NECTIN2: variants seen among roughly 807,000 people sequenced by gnomAD.
The protein encoded by NECTIN2 is nectin cell adhesion molecule 2.
In NECTIN2, 23 loss-of-function variants were observed where a neutral mutation model predicts 56.9. The observed-to-expected ratio is 0.40, with a 90% confidence interval of 0.29 to 0.57. NECTIN2 has a LOEUF of 0.57. Among genes scored for constraint, NECTIN2 ranks in the 20% least tolerant of loss-of-function variants. The probability of loss-of-function intolerance (pLI) is 0.38; values close to 1 mark genes in which losing one functional copy is unlikely to be tolerated. For missense variants in NECTIN2, 587 were observed against 718.3 expected, an observed-to-expected ratio of 0.82 and a Z score of 2.09; for synonymous variants, 302 against 313.8, an observed-to-expected ratio of 0.96 and a Z score of 0.40.
chr19:44,870,558 A>T (rs915902708), intron 2 of NECTIN2, among the ~76,000 whole-genome samples: 3 of 150,786 alleles, frequency 2.0e-5, no homozygotes, highest in African/African-American at 7.5e-5. Context: ...AATGAGGTGG[A>T]AAGGGTATAA....
At chr19:44,868,840 A>T (rs533640312) in intron 2 of NECTIN2, among the ~76,000 whole-genome samples, 1 of 150,622 alleles carries the variant, frequency 6.6e-6, no homozygotes, top group South Asian at 2.1e-4. Flanking sequence ...TGAACCCGGG[A>T]GGCGGAGCTT....
chr19:44,879,633 G>A (rs960926910), intron 5 of NECTIN2, among the ~76,000 whole-genome samples: 20 of 152,042 alleles, frequency 1.3e-4, no homozygotes, highest in Non-Finnish European at 4.4e-5. Flanking sequence ...AAGCAAAGAC[G>A]GGGGGAGGGG....
At chr19:44,864,850 T>C (rs1219195130) in intron 1 of NECTIN2, among the ~76,000 whole-genome samples, 2 of 151,416 alleles carry the variant, frequency 1.3e-5, no homozygotes, top group African/African-American at 2.4e-5. Flanking sequence ...AAGAATGGCC[T>C]GGAGCCTCCC....
At chr19:44,868,217 G>C (rs891449646) in intron 2 of NECTIN2, among the ~76,000 whole-genome samples, 1 of 151,446 alleles carries the variant, frequency 6.6e-6, no homozygotes, top group Non-Finnish European at 1.5e-5. Flanking sequence ...AAAAAAATTA[G>C]CTGGGCATGG....
chr19:44,878,605 G>C (rs752527232), intron 5 of NECTIN2: 4 of 1,600,370 alleles, frequency 2.5e-6, no homozygotes, highest in Non-Finnish European at 3.4e-6. Flanking sequence ...TCTCACGGCG[G>C]GCAGTTTATG....
chr19:44,867,814 C>T (rs944521084), intron 2 of NECTIN2, among the ~76,000 whole-genome samples: 1 of 152,080 alleles, frequency 6.6e-6, no homozygotes, highest in African/African-American at 2.4e-5. Context: ...GGTTAAGAGC[C>T]ATGGGAGGTG....
chr19:44,846,684 C>A, intron 1 of NECTIN2, 71 bp downstream of exon 1: 1 of 1,472,732 alleles, frequency 6.8e-7, no homozygotes, highest in Non-Finnish European at 9.0e-7. Flanking sequence ...CTGGGGAAGC[C>A]GAGCACCTTC....
chr19:44,847,569 A>C (rs985115381), intron 1 of NECTIN2, among the ~76,000 whole-genome samples: 8 of 152,112 alleles, frequency 5.3e-5, no homozygotes, highest in African/African-American at 1.9e-4. Flanking sequence ...CTCTGTCTTG[A>C]GGCTGGAGTC....
At chr19:44,881,562 C>T (rs910682793) in intron 5 of NECTIN2, among the ~76,000 whole-genome samples, 2 of 151,682 alleles carry the variant, frequency 1.3e-5, no homozygotes, top group African/African-American at 4.8e-5. Flanking sequence ...CGGCACATGC[C>T]TGTAGTTCCA....
At chr19:44,860,579 G>A (rs1458247667) in intron 1 of NECTIN2, among the ~76,000 whole-genome samples, 3 of 151,816 alleles carry the variant, frequency 2.0e-5, no homozygotes, top group Non-Finnish European at 4.4e-5. Flanking sequence ...CCACTGAATT[G>A]TACTGTATTT....
chr19:44,878,107 C>T, intron 5 of NECTIN2: 1 of 597,924 alleles, frequency 1.7e-6, no homozygotes, highest in South Asian at 2.0e-5. Flanking sequence ...GTCACTCCCG[C>T]TCCCTCCATC....
Position 44,846,416 on chromosome 19 carries a change from C to T in NECTIN2, c.-110C>T. The T allele has an allele frequency of 7.6e-7, 1 of 1,313,102 alleles. No individual in the cohort carries two copies. Among genetic ancestry groups the T allele is most frequent in the Non-Finnish European group, 9.8e-7 (1 of 1,020,470 alleles). 81.3% of individuals were successfully genotyped at this position (1,313,102 alleles called of 1,614,324 possible). ...GGCTAGAGCGCAGCGGGAACCGGCC[C>T]GGAGCCGGAGCCGGAGCCCCACAGG... On this transcript the variant is annotated 5_prime_UTR_variant, in exon 1 of 9. Transcript: ENST00000252483.
chr19:44,859,706 T>C (rs984811100), intron 1 of NECTIN2, among the ~76,000 whole-genome samples: 4 of 151,696 alleles, frequency 2.6e-5, no homozygotes, highest in African/African-American at 9.7e-5. Context: ...GCACCTGTAA[T>C]CCCAGCTACT....
chr19:44,886,065 C>A, intron 7 of NECTIN2, 65 bp downstream of exon 7: 1 of 1,569,246 alleles, frequency 6.4e-7, no homozygotes, highest in African/African-American at 1.4e-5. Context: ...CTGGGAGGGG[C>A]CTGGCAGGGA....
chr19:44,865,091 T>C lies in NECTIN2; in HGVS notation c.89-180T>C, dbSNP rs1015418361. Among the ~76,000 whole-genome samples the C allele has an allele frequency of 6.6e-6, 1 of 152,182 alleles. No individual in the cohort carries two copies. Among genetic ancestry groups the C allele is most frequent in the African/African-American group, 2.4e-5 (1 of 41,454 alleles). ...TATAGTTGTATAATAGAATAGTCAT[T>C]TTAGTCTTCCCTAAAATGTCTTTTC... On this transcript the variant is annotated intron_variant, in intron 1 of 8. Coordinates refer to ENST00000252483, the MANE Select transcript of NECTIN2 (RefSeq NM_001042724.2). This position sits in a 1 kb window ranked among gnomAD's most constrained non-coding sequence, Gnocchi z 5.2.
rs563116492 is a variant in NECTIN2, at chr19:44,846,414, C to CCCGGAG, written c.-97_-92dup. ...GAGGCTAGAGCGCAGCGGGAACCGG[C>CCCGGAG]CCGGAGCCGGAGCCGGAGCCCCACA... On this transcript the variant is annotated 5_prime_UTR_variant, in exon 1 of 9. Coordinates refer to ENST00000252483, the MANE Select transcript of NECTIN2 (RefSeq NM_001042724.2). 333 of 1,311,322 alleles carry CCCGGAG rather than the reference C, an allele frequency of 2.5e-4. 2 individuals are homozygous for CCCGGAG. The African/African-American group carries it at 4.6e-3, about 18-fold the overall frequency. 81.2% of individuals were successfully genotyped at this position (1,311,322 alleles called of 1,614,324 possible).
At chr19:44,860,745 C>T (rs904016132) in intron 1 of NECTIN2, among the ~76,000 whole-genome samples, 2 of 151,464 alleles carry the variant, frequency 1.3e-5, no homozygotes, top group African/African-American at 2.4e-5. Context: ...CAAGTGAACA[C>T]GTCCGGCTAA....
At chr19:44,853,988 G>A (rs1568587029) in intron 1 of NECTIN2, among the ~76,000 whole-genome samples, 2 of 152,084 alleles carry the variant, frequency 1.3e-5, no homozygotes, top group Admixed American at 6.6e-5. Flanking sequence ...GACAGAGAAC[G>A]TAACAGGGCA....
intron 5 of NECTIN2, chr19:44,878,174 T>A: frequency 3.2e-6 from 2 of 627,192 alleles, no homozygotes; most frequent in South Asian, 3.9e-5. Flanking sequence ...CCTCGTGATC[T>A]TGTGTCTCCC....
Sources: allele counts gnomAD v4.1 joint callset (sites outside exome capture counted in the v4.1 genomes callset), GRCh38; gene constraint gnomAD v4.1.1; non-coding constraint Gnocchi (gnomAD v3.1); transcripts MANE v1.5; gene names NCBI Gene and HGNC (gene_info 2026-07-23, HGNC 2026-07-21).